The following ADGRE2 variants were observed in gnomAD, a reference collection of about 807,000 sequenced individuals.
ADGRE2 encodes CD97 antigen.
In ADGRE2, 83 loss-of-function variants were observed where a neutral mutation model predicts 100.8. The observed-to-expected ratio is 0.82, with a 90% CI of 0.69 to 0.99. The LOEUF (loss-of-function observed/expected upper bound fraction) is 0.99, where lower values mean the gene tolerates loss of function less well. ADGRE2 is among the 50% of genes least tolerant of loss of function. The pLI, the probability that ADGRE2 is intolerant of heterozygous loss-of-function variation, is 0.00. For synonymous variants in ADGRE2, 355 were observed against 413.0 expected, an observed-to-expected ratio of 0.86 and a Z score of 1.70; for missense variants, 814 against 1,035.7, an observed-to-expected ratio of 0.79 and a Z score of 2.94.
intron 11 of ADGRE2, among the ~76,000 whole-genome samples, chr19:14,761,423 A>G (rs909299920): frequency 6.6e-6 from 1 of 152,094 alleles, no homozygotes; most frequent in Non-Finnish European, 1.5e-5. Context: ...AGACAACAAC[A>G]ACAACAATCA....
intron 12 of ADGRE2, 132 bp downstream of exon 12, chr19:14,756,106 A>C: frequency 1.2e-6 from 1 of 800,790 alleles, no homozygotes; most frequent in Non-Finnish European, 2.1e-6. Context: ...CCTCAGCTGG[A>C]CTCTCCTCTT....
intron 11 of ADGRE2, among the ~76,000 whole-genome samples, chr19:14,763,672 T>TCCTCCC: frequency 8.6e-6 from 1 of 116,678 alleles, no homozygotes; most frequent in East Asian, 2.9e-4. Flanking sequence ...CCTCCTCCTC[T>TCCTCCC]CCTCCTTCTC....
At chr19:14,754,680 C>T (rs968740488) in intron 14 of ADGRE2, among the ~76,000 whole-genome samples, 5 of 152,106 alleles carry the variant, frequency 3.3e-5, no homozygotes, top group Admixed American at 6.6e-5. Flanking sequence ...GAAAGTGAGA[C>T]TTCAGTCCTA....
Position 14,752,452 on chromosome 19 carries a change from G to A in ADGRE2, c.1665C>T (p.Ala555=). The change falls in exon 15 of 21, where the codon GCC becomes GCT. Residue 555 remains alanine, a synonymous_variant. Coordinates refer to ENST00000315576, the MANE Select transcript of ADGRE2 (RefSeq NM_013447.4). ...SVSLLCLLLA[A]LTFLLCKAIQ... ...TGGCTTTACACAGGAGAAAAGTGAG[G>A]GCCGCCAGGAGGAGGCACAGCAGAG... The A allele has an allele frequency of 6.2e-7, 1 of 1,614,108 alleles. No individual in the cohort carries two copies. Among genetic ancestry groups the A allele is most frequent in the East Asian group, 2.2e-5 (1 of 44,876 alleles).
intron 20 of ADGRE2, 66 bp from the exon 21 acceptor site, chr19:14,736,310 G>T: frequency 9.3e-7 from 1 of 1,073,490 alleles, no homozygotes; most frequent in Non-Finnish European, 1.4e-6. Flanking sequence ...TGCCTGGGCT[G>T]GAGTGCAATG....
chr19:14,736,788 A>ATC (rs1457787000), intron 20 of ADGRE2, among the ~76,000 whole-genome samples: 4 of 142,860 alleles, frequency 2.8e-5, no homozygotes, highest in Non-Finnish European at 4.6e-5. Flanking sequence ...ATTTAGAAGT[A>ATC]TAGATATTTA....
intron 14 of ADGRE2, 29 bp from the exon 15 acceptor site, chr19:14,752,555 T>A: frequency 6.2e-7 from 1 of 1,609,248 alleles, no homozygotes; most frequent in Middle Eastern, 1.7e-4. Context: ...GAGTTCACAG[T>A]GATGCTTTCC....
At chr19:14,775,497 C>T (rs1186598897) in intron 2 of ADGRE2, among the ~76,000 whole-genome samples, 6 of 151,872 alleles carry the variant, frequency 4.0e-5, no homozygotes, top group African/African-American at 7.3e-5. Context: ...CTCCAGCTGC[C>T]GCTCTTCTGA....
At chr19:14,739,866 C>T (rs1023052623) in intron 20 of ADGRE2, among the ~76,000 whole-genome samples, 5 of 152,048 alleles carry the variant, frequency 3.3e-5, no homozygotes, top group African/African-American at 9.7e-5. Flanking sequence ...TTTGGGAGGC[C>T]AAGGCGGGCA....
rs941303373 is a variant in ADGRE2 at position 14,734,191 on chromosome 19, A to C, written c.*2045T>G. 6.6e-6 allele frequency: 1 copy of C among 152,204 alleles called. No homozygotes were observed. Among genetic ancestry groups the C allele is most frequent in the African/African-American group, 2.4e-5 (1 of 41,450 alleles). The allele number at this position is 152,204 out of a possible 1,614,324, so 9.4% of individuals were successfully genotyped here. ...TGGGATGGCCTCAGGCAAGTCACTT[A>C]ACATTCAGGATCTCAATTTCTCTTT... On this transcript the variant is annotated 3_prime_UTR_variant, in exon 21 of 21. Transcript: ENST00000315576.
downstream of ADGRE2, among the ~76,000 whole-genome samples, chr19:14,730,411 C>T (rs1280852674): frequency 6.6e-6 from 1 of 151,630 alleles, no homozygotes; most frequent in Non-Finnish European, 1.5e-5. Flanking sequence ...TCTCTCTTAT[C>T]CCACCATCAG....
intron 20 of ADGRE2, among the ~76,000 whole-genome samples, chr19:14,741,288 A>G (rs2042922140): frequency 6.6e-6 from 1 of 150,446 alleles, no homozygotes; most frequent in East Asian, 2.0e-4. Flanking sequence ...GTAAAGATGG[A>G]GTTTTGCCAT....
chr19:14,731,853 C>T (rs951772477), downstream of ADGRE2: 1 of 152,168 alleles, frequency 6.6e-6, no homozygotes, highest in Non-Finnish European at 1.5e-5. Flanking sequence ...AGAGAATGGA[C>T]TTAATAAATT....
chr19:14,746,375 CTTTTTTT>C (rs34368264), intron 17 of ADGRE2, 52 bp from the exon 18 acceptor site: 51 of 778,008 alleles, frequency 6.6e-5, no homozygotes, highest in Non-Finnish European at 1.0e-4. Context: ...CCTGTTATCT[CTTTTTTT>C]TTTTTTTTCA....
intron 2 of ADGRE2, among the ~76,000 whole-genome samples, chr19:14,774,983 T>A (rs2044381556): frequency 7.1e-6 from 1 of 141,040 alleles, no homozygotes; most frequent in South Asian, 2.2e-4. Context: ...TCAAAAATTT[T>A]AAAATGATTT....
rs1400525631 is a variant in ADGRE2 at position 14,741,109 on chromosome 19, T to G, written c.2463+2311A>C. Among the ~76,000 whole-genome samples, 10 of 117,352 alleles carry G rather than the reference T, an allele frequency of 8.5e-5. 1 individual carries two copies. The highest frequency in any genetic ancestry group is 5.1e-3 in the Middle Eastern group (1 of 198). 77.0% of individuals were successfully genotyped at this position (117,352 alleles called of 152,430 possible). ...ATAGGCTGTTTTTTTTTTTTTTTTT[T>G]TTGGCAGAGTATTGCTGTGTTGCCC... On this transcript the variant is annotated intron_variant, in intron 20 of 20. Transcript: ENST00000315576.
Position 14,736,101 on chromosome 19 carries a change from A to G in ADGRE2, c.*135T>C. On this transcript the variant is annotated 3_prime_UTR_variant, in exon 21 of 21. Coordinates refer to ENST00000315576, the MANE Select transcript of ADGRE2 (RefSeq NM_013447.4). Reference sequence around the variant, plus strand: ...TTGAATGCCTAGCACGCCTTCCATAACATCCTTCATATTGCTGACATGGTG... The same window carrying G: ...TTGAATGCCTAGCACGCCTTCCATAGCATCCTTCATATTGCTGACATGGTG... 2 of 809,252 alleles carry G rather than the reference A, an allele frequency of 2.5e-6. No homozygotes were observed. Among genetic ancestry groups the G allele is most frequent in the Non-Finnish European group, 4.0e-6 (2 of 499,214 alleles). The allele number at this position is 809,252 out of a possible 1,614,324, so 50.1% of individuals were successfully genotyped here.
At chr19:14,770,224 T>G (rs2044147415) in intron 5 of ADGRE2, among the ~76,000 whole-genome samples, 1 of 152,166 alleles carries the variant, frequency 6.6e-6, no homozygotes, top group Non-Finnish European at 1.5e-5. Context: ...CTCGCCTTGT[T>G]AGTTCCCATG....
chr19:14,756,271 C>A lies in ADGRE2; in HGVS notation c.1159G>T (p.Asp387Tyr). Reference protein sequence around the residue: ...LRQNQAVMQLDWNQAQKSGDP... With the variant: ...LRQNQAVMQLYWNQAQKSGDP... ...CCAGATTTCTGTGCCTGATTCCAGTCGAGCTGCATCACTGCCTGATTCTGT... is the reference window on the plus strand; with the variant it reads ...CCAGATTTCTGTGCCTGATTCCAGTAGAGCTGCATCACTGCCTGATTCTGT... Residue 387 changes from aspartate (D) to tyrosine (Y), a missense_variant, in exon 12 of 21, where the codon GAC becomes TAC. Asp to Tyr is a radical substitution (Grantham distance 160). Coordinates refer to ENST00000315576, the MANE Select transcript of ADGRE2 (RefSeq NM_013447.4). 6.2e-7 allele frequency: 1 copy of A among 1,614,098 alleles called. No individual in the cohort carries two copies. The highest frequency in any genetic ancestry group is 8.5e-7 in the Non-Finnish European group (1 of 1,180,002).
Sources: gnomAD v4.1 joint callset for allele counts (sites outside exome capture counted in the v4.1 genomes callset) on GRCh38, gnomAD v4.1.1 for gene constraint, MANE v1.5 for transcripts, NCBI Gene and HGNC (gene_info 2026-07-23, HGNC 2026-07-21) for gene names.